COL11A1: variants seen among roughly 807,000 people sequenced by gnomAD.
The protein encoded by COL11A1 is collagen alpha-1(XI) chain.
A neutral mutation model predicts 265.2 loss-of-function variants in COL11A1; 74 were observed. That is an observed-to-expected ratio of 0.28 (90% CI 0.23 to 0.34). The LOEUF (loss-of-function observed/expected upper bound fraction) is 0.34, where lower values mean the gene tolerates loss of function less well. Among genes scored for constraint, COL11A1 ranks in the 10% least tolerant of loss-of-function variants. The pLI is 1.00. For missense variants in COL11A1, 2,165 were observed against 2,263.6 expected, an observed-to-expected ratio of 0.96 and a Z score of 0.88; for synonymous variants, 816 against 727.6, an observed-to-expected ratio of 1.12 and a Z score of -1.96.
intron 5 of COL11A1, among the ~76,000 whole-genome samples, chr1:103,028,741 T>C (rs1571088099): frequency 6.6e-6 from 1 of 152,184 alleles, no homozygotes; most frequent in South Asian, 2.1e-4. Context: ...ATCTAATGAA[T>C]GTATGATACA....
chr1:102,931,304 A>C (rs1657407537), intron 46 of COL11A1, among the ~76,000 whole-genome samples: 1 of 150,596 alleles, frequency 6.6e-6, no homozygotes, highest in Non-Finnish European at 1.5e-5. Flanking sequence ...CTTTGTTCTC[A>C]TTGGTTTCAA....
intron 4 of COL11A1, among the ~76,000 whole-genome samples, chr1:103,051,420 C>T (rs1270556455): frequency 2.6e-5 from 4 of 152,228 alleles, no homozygotes; most frequent in African/African-American, 7.2e-5. Context: ...GGGATATAAT[C>T]TCCTGGTGTG....
chr1:102,954,482 A>C (rs1328906478), intron 41 of COL11A1, among the ~76,000 whole-genome samples: 1 of 152,206 alleles, frequency 6.6e-6, no homozygotes, highest in African/African-American at 2.4e-5. Context: ...AAGCATAAAC[A>C]CATAAAGTGC....
intron 42 of COL11A1, among the ~76,000 whole-genome samples, chr1:102,943,436 TACACACACACACACATACACACACACAC>T (rs1171370712): frequency 7.4e-6 from 1 of 135,422 alleles, no homozygotes; most frequent in Non-Finnish European, 1.6e-5. Flanking sequence ...CCTCTGGAGA[TACACACACACACACATACACACACACAC>T]ACACACACAC....
intron 24 of COL11A1, among the ~76,000 whole-genome samples, chr1:102,999,793 G>C (rs1664949399): frequency 1.3e-5 from 2 of 151,784 alleles, no homozygotes; most frequent in Non-Finnish European, 2.9e-5. Context: ...CGAAGCGAAG[G>C]CTCTTGAGCC....
chr1:103,000,500 GA>G (rs930845020), intron 24 of COL11A1, among the ~76,000 whole-genome samples: 5 of 151,888 alleles, frequency 3.3e-5, no homozygotes, highest in African/African-American at 9.7e-5. Context: ...ATAAGCATGT[GA>G]AAAGATGTTC....
At chr1:103,055,915 A>G (rs921513457) in intron 4 of COL11A1, among the ~76,000 whole-genome samples, 1 of 152,116 alleles carries the variant, frequency 6.6e-6, no homozygotes, top group Non-Finnish European at 1.5e-5. Context: ...CTACAGCCCA[A>G]CTCTCTTGCT....
chr1:103,028,924 A>G (rs1003573056), intron 5 of COL11A1, among the ~76,000 whole-genome samples: 2 of 152,118 alleles, frequency 1.3e-5, no homozygotes, highest in East Asian at 3.9e-4. Flanking sequence ...TTCACTTGAT[A>G]AGAAAATCCC....
intron 4 of COL11A1, among the ~76,000 whole-genome samples, chr1:103,052,991 G>C (rs1294723581): frequency 6.6e-6 from 1 of 152,092 alleles, no homozygotes; most frequent in Non-Finnish European, 1.5e-5. Flanking sequence ...AAGTACTGCA[G>C]GCTAATAATA....
At chr1:102,893,844 T>A (rs891563546) in intron 57 of COL11A1, among the ~76,000 whole-genome samples, 2 of 152,178 alleles carry the variant, frequency 1.3e-5, no homozygotes, top group African/African-American at 2.4e-5. Context: ...CATTGTGGAA[T>A]GCTACCCATA....
At chr1:102,901,349 A>G (rs1653181390) in intron 54 of COL11A1, among the ~76,000 whole-genome samples, 1 of 151,126 alleles carries the variant, frequency 6.6e-6, no homozygotes, top group South Asian at 2.1e-4. Flanking sequence ...TGAGGCTGTG[A>G]ATTTGATGTC....
intron 49 of COL11A1, among the ~76,000 whole-genome samples, chr1:102,917,941 G>A (rs996495346): frequency 2.0e-5 from 3 of 151,528 alleles, no homozygotes; most frequent in African/African-American, 4.8e-5. Context: ...AGATCCAAGT[G>A]TGCACAATGT....
intron 5 of COL11A1, chr1:103,030,837 ATCT>A (rs1198624578): frequency 2.0e-5 from 8 of 395,408 alleles, no homozygotes; most frequent in Admixed American, 1.5e-4. Flanking sequence ...ATTACATATT[ATCT>A]TCTTCTCACC....
chr1:103,012,160 A>G (rs1159821815), intron 14 of COL11A1, among the ~76,000 whole-genome samples: 1 of 152,194 alleles, frequency 6.6e-6, no homozygotes, highest in Non-Finnish European at 1.5e-5. Context: ...TAGTTTAAGA[A>G]ATTAATAGTT....
In COL11A1 at chr1:103,004,668, A is replaced by T. The variant is rs1427233055; in HGVS notation, c.1846-7T>A. ...CTTGAGGACCTCGTTCACCCTGTTAAATCAATACAAATAAGATTAGCATAT... is the reference window on the plus strand; with the variant it reads ...CTTGAGGACCTCGTTCACCCTGTTATATCAATACAAATAAGATTAGCATAT... On this transcript the variant is annotated splice_polypyrimidine_tract_variant and splice_region_variant and intron_variant, in intron 18 of 66. Coordinates refer to ENST00000370096, the MANE Select transcript of COL11A1 (RefSeq NM_001854.4). The T allele has an allele frequency of 2.1e-5, 34 of 1,606,266 alleles. No homozygotes were observed. In the Admixed American group the frequency reaches 3.0e-4, roughly 14 times the overall value.
At chr1:102,962,547 A>G in intron 39 of COL11A1, 106 bp downstream of exon 39, 2 of 992,242 alleles carry the variant, frequency 2.0e-6, no homozygotes, top group Non-Finnish European at 1.6e-6. Flanking sequence ...TTTTCCTGAC[A>G]CATCTTCTGA....
chr1:103,070,636 C>T (rs1023227056), intron 4 of COL11A1, among the ~76,000 whole-genome samples: 3 of 151,840 alleles, frequency 2.0e-5, no homozygotes, highest in African/African-American at 7.2e-5. Flanking sequence ...GATGGTTTCA[C>T]AGCTGTATAC....
chr1:102,896,593 C>T (rs1376248806), intron 57 of COL11A1, among the ~76,000 whole-genome samples: 3 of 152,134 alleles, frequency 2.0e-5, no homozygotes, highest in Admixed American at 6.6e-5. Flanking sequence ...CCCATGCAGC[C>T]CACTTCTGAT....
intron 50 of COL11A1, 127 bp downstream of exon 50, chr1:102,915,504 T>G: frequency 1.2e-6 from 1 of 807,724 alleles, no homozygotes; most frequent in Non-Finnish European, 2.2e-6. Context: ...ATTTGTGATT[T>G]TCCTTAATGA....
Sources: allele counts gnomAD v4.1 joint callset (sites outside exome capture counted in the v4.1 genomes callset), GRCh38; gene constraint gnomAD v4.1.1; transcripts MANE v1.5; gene names NCBI Gene and HGNC (gene_info 2026-07-23, HGNC 2026-07-21).